Variants in CFAP299 observed in about 807,000 individuals in gnomAD.
CFAP299 encodes the protein cilia and flagella associated protein 299.
Under a neutral mutation model 27.0 loss-of-function variants are expected in CFAP299, and 21 were observed. That is an observed-to-expected ratio of 0.78 (90% confidence interval 0.55 to 1.12). The LOEUF is 1.12. Among genes scored for constraint, CFAP299 ranks in the 50% most tolerant of loss-of-function variants. The pLI is 0.00. For missense variants in CFAP299, 310 were observed against 276.6 expected (o/e 1.12, Z -0.86); for synonymous variants, 104 against 98.1 (o/e 1.06, Z -0.36).
intron 3 of CFAP299, among the ~76,000 whole-genome samples, chr4:80,860,345 C>CT (rs1324187838): frequency 1.3e-5 from 2 of 152,016 alleles, no homozygotes; most frequent in Admixed American, 6.6e-5. Context: ...ACTTCTTTGC[C>CT]TTTGGTTTGA....
chr4:80,456,102 A>G (rs1321600238), intron 2 of CFAP299, among the ~76,000 whole-genome samples: 3 of 152,178 alleles, frequency 2.0e-5, no homozygotes, highest in African/African-American at 7.2e-5. Flanking sequence ...TTGAGCAAAA[A>G]GCTTAATGAA....
chr4:80,839,254 C>T (rs1261297605), intron 3 of CFAP299, among the ~76,000 whole-genome samples: 5 of 152,122 alleles, frequency 3.3e-5, no homozygotes, highest in Admixed American at 6.6e-5. Context: ...ATCACATCCT[C>T]ATCATTATTT....
intron 4 of CFAP299, among the ~76,000 whole-genome samples, chr4:80,897,287 A>G (rs980705333): frequency 6.6e-6 from 1 of 152,186 alleles, no homozygotes; most frequent in Non-Finnish European, 1.5e-5. Context: ...CAGTAATTAT[A>G]TATTAGGCAT....
At chr4:80,642,567 A>C (rs1577967044) in intron 3 of CFAP299, among the ~76,000 whole-genome samples, 1 of 152,150 alleles carries the variant, frequency 6.6e-6, no homozygotes, top group East Asian at 1.9e-4. Context: ...AGATTGAGAC[A>C]ATACTGGCCA....
chr4:80,954,828 T>C (rs1737971664), intron 5 of CFAP299, among the ~76,000 whole-genome samples: 1 of 150,990 alleles, frequency 6.6e-6, no homozygotes, highest in Admixed American at 6.6e-5. Flanking sequence ...GGAAACGCTG[T>C]CTCTACTAAA....
chr4:80,353,761 A>G (rs749533221), intron 1 of CFAP299, among the ~76,000 whole-genome samples: 1 of 152,242 alleles, frequency 6.6e-6, no homozygotes, highest in Non-Finnish European at 1.5e-5. Context: ...ACTAATTAAT[A>G]GTACAGAATA....
At position 80,586,597 on chromosome 4, in the gene CFAP299, G is replaced by GTA. The variant is rs1376723026; in HGVS notation, c.333+3417_333+3418dup. On this transcript the variant is annotated intron_variant, in intron 3 of 5. Transcript: ENST00000358105. ...TTTACTATTTGCCAAAAACAAAGAT[G>GTA]TATAGAACATGGGTCCTCCCTATAG... 7.2e-5 allele frequency among the ~76,000 whole-genome samples: 11 copies of GTA among 152,248 alleles called. No individual in the cohort carries two copies. In the South Asian group the frequency reaches 1.2e-3, roughly 17 times the overall value.
chr4:80,541,016 G>C (rs1733971425), intron 2 of CFAP299, among the ~76,000 whole-genome samples: 1 of 152,050 alleles, frequency 6.6e-6, no homozygotes, highest in Admixed American at 6.5e-5. Context: ...CCCGATCTCT[G>C]TGTCTTATTC....
At chr4:80,856,417 A>G (rs914605371) in intron 3 of CFAP299, among the ~76,000 whole-genome samples, 1 of 151,346 alleles carries the variant, frequency 6.6e-6, no homozygotes, top group Non-Finnish European at 1.5e-5. Context: ...ATTAGATCCC[A>G]TTTGTCAATT....
chr4:80,924,538 G>GTGTATATA (rs5859742), intron 4 of CFAP299, among the ~76,000 whole-genome samples: 3 of 131,670 alleles, frequency 2.3e-5, no homozygotes, highest in South Asian at 2.3e-4. Context: ...GTGTGTGTGT[G>GTGTATATA]TATATATATA....
At chr4:80,942,940 A>T (rs543456014) in intron 4 of CFAP299, among the ~76,000 whole-genome samples, 1 of 152,302 alleles carries the variant, frequency 6.6e-6, no homozygotes, top group Admixed American at 6.5e-5. Flanking sequence ...GCTTGCGTAG[A>T]TAGTCAAATT....
chr4:80,844,155 C>T (rs112078394), intron 3 of CFAP299, among the ~76,000 whole-genome samples: 2 of 151,904 alleles, frequency 1.3e-5, no homozygotes, highest in African/African-American at 4.8e-5. Flanking sequence ...GTCTATCATT[C>T]TTGGACATTT....
intron 2 of CFAP299, among the ~76,000 whole-genome samples, chr4:80,382,819 C>T (rs149941338): frequency 4.7e-4 from 71 of 152,202 alleles, no homozygotes; most frequent in Non-Finnish European, 7.1e-4. Flanking sequence ...AATCCCATTA[C>T]GGGTTTATAT....
chr4:80,513,652 A>C (rs1026275470), intron 2 of CFAP299, among the ~76,000 whole-genome samples: 6 of 152,180 alleles, frequency 3.9e-5, no homozygotes, highest in African/African-American at 7.2e-5. Context: ...AATGTCTGCT[A>C]TTCAGTAGGC....
chr4:80,670,749 G>A (rs981499206), intron 3 of CFAP299, among the ~76,000 whole-genome samples: 1 of 152,190 alleles, frequency 6.6e-6, no homozygotes, highest in Non-Finnish European at 1.5e-5. Flanking sequence ...GTGATGATGA[G>A]CATTTTTTCA....
chr4:80,631,567 A>G (rs1380885953), intron 3 of CFAP299, among the ~76,000 whole-genome samples: 2 of 152,134 alleles, frequency 1.3e-5, no homozygotes, highest in Non-Finnish European at 2.9e-5. Context: ...AACAGCTCCA[A>G]TATTTAAGGC....
intron 2 of CFAP299, among the ~76,000 whole-genome samples, chr4:80,480,945 A>G (rs1730533849): frequency 6.6e-6 from 1 of 152,036 alleles, no homozygotes; most frequent in Admixed American, 6.6e-5. Context: ...CTAATATCCA[A>G]AAAGGTGTTC....
intron 2 of CFAP299, chr4:80,386,478 C>G: frequency 6.5e-7 from 1 of 1,538,168 alleles, no homozygotes; most frequent in Non-Finnish European, 8.8e-7. Flanking sequence ...ACTGCCGCCA[C>G]GGCGCGGGGC....
chr4:80,365,737 T>G (rs1410980449), intron 2 of CFAP299, among the ~76,000 whole-genome samples: 1 of 152,246 alleles, frequency 6.6e-6, no homozygotes, highest in African/African-American at 2.4e-5. Flanking sequence ...TTGTGAGATT[T>G]TACAAGGAAT....
Sources: gnomAD v4.1 joint callset for allele counts (sites outside exome capture counted in the v4.1 genomes callset) on GRCh38, gnomAD v4.1.1 for gene constraint, MANE v1.5 for transcripts, NCBI Gene and HGNC (gene_info 2026-07-23, HGNC 2026-07-21) for gene names.